PCDHGA6: variants seen among roughly 807,000 people sequenced by gnomAD.
PCDHGA6 encodes protocadherin gamma subfamily A, 6, also known as protocadherin gamma-A6.
In PCDHGA6, 41 loss-of-function variants were observed where a neutral mutation model predicts 60.6. That is an observed-to-expected ratio of 0.68 (90% CI 0.53 to 0.88). The LOEUF (loss-of-function observed/expected upper bound fraction) is 0.88. Ranked by LOEUF, PCDHGA6 falls within the 40% of genes least tolerant of loss-of-function variation. The probability of loss-of-function intolerance (pLI) is 0.00; values close to 1 mark genes in which losing one functional copy is unlikely to be tolerated. For synonymous variants in PCDHGA6, 594 were observed against 524.4 expected (o/e 1.13, Z -1.81); for missense variants, 1,312 against 1,203.0 (o/e 1.09, Z -1.34).
rs980109158 is a variant in PCDHGA6 at position 141,375,279 on chromosome 5, G to A, written c.1196G>A (p.Gly399Asp). Residue 399 changes from glycine to aspartate, a missense_variant, in exon 1 of 4, where the codon GGC becomes GAC. By Grantham distance (94) the Gly-to-Asp change is moderately conservative. Transcript: ENST00000517434. ...CCATTTGAATTGGAAAAATCAGTTG[G>A]CAATTATTATCGATTAGTGACAAAT... is the stretch of plus-strand genomic sequence containing the variant. The part of the protein sequence containing the change: ...SLPFELEKSV[G>D]NYYRLVTNAA... 18 of 1,613,688 alleles carry A rather than the reference G, an allele frequency of 1.1e-5. No individual in the cohort carries two copies. The highest frequency in any genetic ancestry group is 4.2e-6 in the Non-Finnish European group (5 of 1,179,904).
chr5:141,433,642 C>A (rs1457700205), intron 1 of PCDHGA6, among the ~76,000 whole-genome samples: 2 of 152,170 alleles, frequency 1.3e-5, no homozygotes, highest in South Asian at 2.1e-4. Context: ...TTGAGACCAG[C>A]CTGACCAACA....
intron 1 of PCDHGA6, among the ~76,000 whole-genome samples, chr5:141,473,698 T>A (rs2099327181): frequency 6.6e-6 from 1 of 152,166 alleles, no homozygotes; most frequent in Non-Finnish European, 1.5e-5. Context: ...CTGACCACCC[T>A]CCAAGTGGTG....
At chr5:141,438,834 T>A (rs915381229) in intron 1 of PCDHGA6, among the ~76,000 whole-genome samples, 5 of 150,606 alleles carry the variant, frequency 3.3e-5, no homozygotes, top group South Asian at 2.1e-4. Context: ...GCTAATTTTT[T>A]AAAATATTTT....
chr5:141,431,547 T>TA lies in PCDHGA6; in HGVS notation c.2424+55041dup. On this transcript the variant is annotated intron_variant, in intron 1 of 3. Transcript: ENST00000517434. The surrounding 1 kb of genome is among the most constrained non-coding windows in gnomAD (Gnocchi z 4.8). ...CTGGCCTTGGGCACGCAGCTGCTTG[T>TA]AGTCAACGCTACCGACCCTGACGAA... 6.2e-7 allele frequency: 1 copy of TA among 1,614,096 alleles called. No individual in the cohort carries two copies. The highest frequency in any genetic ancestry group is 8.5e-7 in the Non-Finnish European group (1 of 1,180,022).
At chr5:141,433,211 T>TC in intron 1 of PCDHGA6, 1 of 1,568,160 alleles carries the variant, frequency 6.4e-7, no homozygotes, top group Non-Finnish European at 8.6e-7. Context: ...CTTCTTTCTT[T>TC]TTTTTTTTTA....
At chr5:141,499,013 GA>G (rs2099788463) in intron 2 of PCDHGA6, among the ~76,000 whole-genome samples, 1 of 144,746 alleles carries the variant, frequency 6.9e-6, no homozygotes, top group Non-Finnish European at 1.5e-5. Context: ...AGGAAGGAAG[GA>G]AGGAAGGAAG....
At chr5:141,459,723 T>G (rs1024452676) in intron 1 of PCDHGA6, among the ~76,000 whole-genome samples, 3 of 152,254 alleles carry the variant, frequency 2.0e-5, no homozygotes, top group African/African-American at 7.2e-5. Context: ...ATGCTTCCTA[T>G]TGTCAATTTT....
Position 141,432,466 on chromosome 5 carries a change from G to A in PCDHGA6, c.2424+55959G>A, listed in dbSNP as rs149116648. 5.7e-4 allele frequency: 913 copies of A among 1,614,208 alleles called. 6 individuals carry two copies. In the African/African-American group the frequency reaches 0.011, roughly 19 times the overall value. On this transcript the variant is annotated intron_variant, in intron 1 of 3. Transcript: ENST00000517434. This position sits in a 1 kb window ranked among gnomAD's most constrained non-coding sequence, Gnocchi z 6.0. The stretch of plus-strand genomic sequence containing the variant: ...AGATCCTGTACCCCGCCCTCCCCAC[G>A]GACGGTTCCACTGGCGTGGAGCTGG...
chr5:141,472,770 G>C (rs953423129), intron 1 of PCDHGA6, among the ~76,000 whole-genome samples: 5 of 152,046 alleles, frequency 3.3e-5, no homozygotes, highest in Admixed American at 6.6e-5. Flanking sequence ...CAGATCACCT[G>C]AGGTTGGGAG....
chr5:141,461,732 A>G (rs945368729), intron 1 of PCDHGA6, among the ~76,000 whole-genome samples: 5 of 152,154 alleles, frequency 3.3e-5, no homozygotes, highest in Non-Finnish European at 5.9e-5. Context: ...GTGCAGTGGC[A>G]CAATCCCGGC....
At chr5:141,502,134 C>T (rs566073996) in intron 2 of PCDHGA6, among the ~76,000 whole-genome samples, 10 of 152,288 alleles carry the variant, frequency 6.6e-5, no homozygotes, top group African/African-American at 2.2e-4. Flanking sequence ...AGAGCTCAGT[C>T]GGGCCGGAAG....
chr5:141,401,083 C>T (rs2094110284), intron 1 of PCDHGA6, among the ~76,000 whole-genome samples: 1 of 152,176 alleles, frequency 6.6e-6, no homozygotes, highest in Admixed American at 6.5e-5. Context: ...GTGGCTCATG[C>T]CTGTAATCCC....
At chr5:141,508,440 T>C (rs2099868879) in intron 3 of PCDHGA6, among the ~76,000 whole-genome samples, 1 of 152,186 alleles carries the variant, frequency 6.6e-6, no homozygotes, top group African/African-American at 2.4e-5. Context: ...CACAGTTCCT[T>C]AGTGGCAGAG....
At chr5:141,394,883 ACT>A (rs1415060925) in intron 1 of PCDHGA6, 4 of 1,611,604 alleles carry the variant, frequency 2.5e-6, no homozygotes, top group Admixed American at 1.7e-5. Context: ...CGAGCCTTAC[ACT>A]CTATCTCGTG....
chr5:141,402,845 C>T (rs1273253699), intron 1 of PCDHGA6: 3 of 1,405,122 alleles, frequency 2.1e-6, no homozygotes, highest in Non-Finnish European at 2.8e-6. Flanking sequence ...AAAACTCAGC[C>T]TCTTTCTTCT....
At chr5:141,404,142 CAGA>C (rs781433913) in intron 1 of PCDHGA6, 21 of 1,612,668 alleles carry the variant, frequency 1.3e-5, no homozygotes, top group Middle Eastern at 1.6e-4. Context: ...TTAGAAAATT[CAGA>C]AGAAGATTAT....
intron 1 of PCDHGA6, among the ~76,000 whole-genome samples, chr5:141,453,288 ATTATTTATTTAT>A (rs577328880): frequency 6.6e-6 from 1 of 151,342 alleles, no homozygotes; most frequent in African/African-American, 2.4e-5. Context: ...TAATTTTTTA[ATTATTTATTTAT>A]TTATTTATTT....
rs775284049 is a variant in PCDHGA6 at position 141,431,448 on chromosome 5, T to C, written c.2424+54941T>C. On this transcript the variant is annotated intron_variant, in intron 1 of 3. Coordinates refer to ENST00000517434, the MANE Select transcript of PCDHGA6 (RefSeq NM_018919.3). The surrounding 1 kb of genome is among the most constrained non-coding windows in gnomAD (Gnocchi z 4.8). ...CGCACAGGCACCGCGCGCATCCGCG[T>C]GATGGTTCTGGATGCGAACGACAAC... 2.5e-6 allele frequency: 4 copies of C among 1,613,706 alleles called. No individual in the cohort carries two copies. The South Asian group carries it at 4.4e-5, about 18-fold the overall frequency.
chr5:141,437,591 G>T (rs1177672004), intron 1 of PCDHGA6, among the ~76,000 whole-genome samples: 5 of 152,170 alleles, frequency 3.3e-5, no homozygotes, highest in Non-Finnish European at 7.3e-5. Flanking sequence ...GAATTGGATA[G>T]TTCTGGTGTA....
Sources: allele counts gnomAD v4.1 joint callset (sites outside exome capture counted in the v4.1 genomes callset), GRCh38; gene constraint gnomAD v4.1.1; non-coding constraint Gnocchi (gnomAD v3.1); transcripts MANE v1.5; gene names NCBI Gene and HGNC (gene_info 2026-07-23, HGNC 2026-07-21).